CSMD2: variants seen among roughly 807,000 people sequenced by gnomAD.
The protein encoded by CSMD2 is CUB and sushi domain-containing protein 2.
Under a neutral mutation model 398.5 loss-of-function variants are expected in CSMD2, and 130 were observed. The ratio of observed to expected loss-of-function variants is 0.33; its 90% CI spans 0.28 to 0.38. The LOEUF (loss-of-function observed/expected upper bound fraction) is 0.38, where lower values mean the gene tolerates loss of function less well. CSMD2 is among the 10% of genes least tolerant of loss of function. The pLI is 1.00. For missense variants in CSMD2, 3,829 were observed against 4,764.9 expected (o/e 0.80, Z 5.78); for synonymous variants, 1,828 against 1,908.5 (o/e 0.96, Z 1.10).
At chr1:33,521,339 A>C in intron 68 of CSMD2, 124 bp downstream of exon 68, 1 of 702,332 alleles carries the variant, frequency 1.4e-6, no homozygotes, top group Non-Finnish European at 2.6e-6. Flanking sequence ...CCCTGATCCC[A>C]AAGAGGCCAA....
chr1:33,814,495 GC>G (rs1657233145), intron 9 of CSMD2, among the ~76,000 whole-genome samples: 1 of 151,224 alleles, frequency 6.6e-6, no homozygotes, highest in African/African-American at 2.4e-5. Flanking sequence ...CTTACTCTTA[GC>G]CGATGACTTT....
intron 3 of CSMD2, among the ~76,000 whole-genome samples, chr1:33,952,675 TAC>T (rs71740719): frequency 0.056 from 8,329 of 147,816 alleles, 278 homozygotes; most frequent in East Asian, 0.13. Context: ...TTTTGTTGTT[TAC>T]ACACACACAC....
At chr1:33,863,017 T>A (rs1639663265) in intron 5 of CSMD2, 1 of 152,180 alleles carries the variant, frequency 6.6e-6, no homozygotes, top group Non-Finnish European at 1.5e-5. Context: ...GCAGGCAGGA[T>A]GAAGCACAGG....
At chr1:33,528,621 A>G (rs1000383783) in intron 64 of CSMD2, among the ~76,000 whole-genome samples, 1 of 152,166 alleles carries the variant, frequency 6.6e-6, no homozygotes, top group African/African-American at 2.4e-5. Flanking sequence ...GCACTTCTTC[A>G]TTTCCTCCTG....
chr1:34,020,050 A>G (rs1018150544), intron 3 of CSMD2, among the ~76,000 whole-genome samples: 3 of 152,230 alleles, frequency 2.0e-5, no homozygotes, highest in Non-Finnish European at 4.4e-5. Flanking sequence ...GAGAAGGACA[A>G]TAAGCAAATA....
At chr1:34,051,361 A>G (rs1653152676) in intron 2 of CSMD2, among the ~76,000 whole-genome samples, 1 of 152,210 alleles carries the variant, frequency 6.6e-6, no homozygotes, top group African/African-American at 2.4e-5. Flanking sequence ...GTGACCACAT[A>G]GCCAGTTACA....
rs1646914873 is a variant in CSMD2 at position 33,737,256 on chromosome 1, G to A, written c.2368+1884C>T. On this transcript the variant is annotated intron_variant, in intron 15 of 70. Coordinates refer to ENST00000373381, the MANE Select transcript of CSMD2 (RefSeq NM_001281956.2). ...CAAAAGTGCTGATTGCACTGAGGAA[G>A]AATGGCAGATGAGGTTGTACAGACC... 2.0e-5 allele frequency among the ~76,000 whole-genome samples: 3 copies of A among 152,204 alleles called. No individual in the cohort carries two copies. The South Asian group carries it at 6.2e-4, about 32-fold the overall frequency.
chr1:33,856,613 C>T (rs1639115159), intron 5 of CSMD2, among the ~76,000 whole-genome samples: 1 of 152,132 alleles, frequency 6.6e-6, no homozygotes, highest in African/African-American at 2.4e-5. Context: ...CACTTAACTG[C>T]CACTCTGAGT....
chr1:33,970,111 A>G (rs1206652388), intron 3 of CSMD2, among the ~76,000 whole-genome samples: 1 of 151,666 alleles, frequency 6.6e-6, no homozygotes, highest in African/African-American at 2.4e-5. Context: ...CATCTCAAAA[A>G]AAAAAAAAAA....
intron 1 of CSMD2, among the ~76,000 whole-genome samples, chr1:34,121,773 G>C (rs1439188017): frequency 6.6e-6 from 1 of 152,076 alleles, no homozygotes; most frequent in African/African-American, 2.4e-5. Flanking sequence ...CACTCCAGGG[G>C]CTCTTCCAAG....
chr1:34,093,926 C>T (rs1022074278), intron 1 of CSMD2, among the ~76,000 whole-genome samples: 1 of 150,272 alleles, frequency 6.7e-6, no homozygotes, highest in African/African-American at 2.4e-5. Context: ...AGATACTCCT[C>T]GAGAAGAGCA....
chr1:33,792,807 C>T (rs1310413863), intron 10 of CSMD2, among the ~76,000 whole-genome samples: 3 of 152,146 alleles, frequency 2.0e-5, no homozygotes, highest in Admixed American at 1.3e-4. Context: ...TGGCCAACAG[C>T]GAGATGATTA....
intron 22 of CSMD2, among the ~76,000 whole-genome samples, chr1:33,706,136 A>G (rs950521168): frequency 1.3e-5 from 2 of 152,180 alleles, no homozygotes; most frequent in Non-Finnish European, 2.9e-5. Flanking sequence ...GTATATTAAA[A>G]TCTTCCATGA....
intron 5 of CSMD2, among the ~76,000 whole-genome samples, chr1:33,914,411 T>TG (rs1491526311): frequency 0.031 from 3,355 of 108,504 alleles, 119 homozygotes; most frequent in African/African-American, 0.086. Context: ...TGTGTGTGTG[T>TG]TTGTGTGTAT....
In CSMD2 at chr1:33,768,540, G is replaced by A. The variant is rs962909632; in HGVS notation, c.1846+4029C>T. Reference sequence around the variant, plus strand: ...CATCCCGGAATGTGTGCGTGCATGTGTGTGTGTGTGTGTGTGTGTGTGTGT... The same window carrying A: ...CATCCCGGAATGTGTGCGTGCATGTATGTGTGTGTGTGTGTGTGTGTGTGT... On this transcript the variant is annotated intron_variant, in intron 13 of 70. Coordinates refer to ENST00000373381, the MANE Select transcript of CSMD2 (RefSeq NM_001281956.2). Among the ~76,000 whole-genome samples the A allele has an allele frequency of 9.5e-4, 13 of 13,734 alleles. No homozygotes were observed. In the East Asian group the frequency reaches 0.01, roughly 11 times the overall value. 9.0% of individuals were successfully genotyped at this position (13,734 alleles called of 152,430 possible).
At chr1:33,550,385 C>A (rs376079287) in intron 55 of CSMD2, 35 bp from the exon 56 acceptor site, 2 of 1,596,224 alleles carry the variant, frequency 1.3e-6, no homozygotes, top group Admixed American at 3.4e-5. Context: ...AATGACTCTG[C>A]ACAGGGATGG....
At chr1:34,106,905 C>A (rs948678114) in intron 1 of CSMD2, among the ~76,000 whole-genome samples, 5 of 152,226 alleles carry the variant, frequency 3.3e-5, no homozygotes, top group Admixed American at 6.5e-5. Flanking sequence ...CATTGCGGAC[C>A]AAACATGATT....
intron 1 of CSMD2, among the ~76,000 whole-genome samples, chr1:34,126,641 G>A (rs1430733464): frequency 1.3e-5 from 2 of 152,188 alleles, no homozygotes; most frequent in Non-Finnish European, 2.9e-5. Flanking sequence ...ACACCCAGAC[G>A]AGGGAGATGG....
At position 33,623,394 on chromosome 1, in the gene CSMD2, C is replaced by T; in HGVS notation, c.5698G>A (p.Val1900Ile). The change falls in exon 36 of 71, where the codon GTA becomes ATA. Residue 1900 changes from valine (V) to isoleucine (I), a missense_variant. Coordinates refer to ENST00000373381, the MANE Select transcript of CSMD2 (RefSeq NM_001281956.2). ...CCTGAGAAACTCCCCAGCATGGTTACAGTGTTATCTGCACCATCAAATACT... is the reference window on the plus strand; with the variant it reads ...CCTGAGAAACTCCCCAGCATGGTTATAGTGTTATCTGCACCATCAAATACT... ...LEVFDGADNT[V>I]TMLGSFSGTT... The T allele has an allele frequency of 6.2e-7, 1 of 1,614,172 alleles. No individual in the cohort carries two copies. Among genetic ancestry groups the T allele is most frequent in the South Asian group, 1.1e-5 (1 of 91,078 alleles).
Sources: gnomAD v4.1 joint callset for allele counts (sites outside exome capture counted in the v4.1 genomes callset) on GRCh38, gnomAD v4.1.1 for gene constraint, MANE v1.5 for transcripts, NCBI Gene and HGNC (gene_info 2026-07-23, HGNC 2026-07-21) for gene names.